Variants in SLA2 observed in about 807,000 individuals in gnomAD.
SLA2 encodes the protein Src like adaptor 2.
SLA2 carries 22 observed loss-of-function variants against 27.3 expected under a neutral mutation model. The observed-to-expected ratio is 0.81, with a 90% CI of 0.58 to 1.15. The LOEUF is 1.15. SLA2 is among the 50% of genes most tolerant of loss of function. The probability of loss-of-function intolerance (pLI) is 0.00; values close to 1 mark genes in which losing one functional copy is unlikely to be tolerated. For synonymous variants in SLA2, 131 were observed against 137.8 expected, an observed-to-expected ratio of 0.95 and a Z score of 0.34; for missense variants, 304 against 322.2, an observed-to-expected ratio of 0.94 and a Z score of 0.43.
chr20:36,617,847 C>T (rs1363516581), intron 5 of SLA2, among the ~76,000 whole-genome samples: 3 of 146,992 alleles, frequency 2.0e-5, no homozygotes, highest in Non-Finnish European at 4.5e-5. Context: ...CAGAGTGAGA[C>T]TCCGTCTCAA....
chr20:36,614,027 C>T (rs986023013), intron 7 of SLA2, 41 bp from the exon 8 acceptor site: 3 of 1,609,914 alleles, frequency 1.9e-6, no homozygotes, highest in East Asian at 4.5e-5. Context: ...AAGCCTCTTC[C>T]TCCTCCCTGT....
chr20:36,627,743 A>G (rs1420592026), intron 5 of SLA2, among the ~76,000 whole-genome samples: 1 of 152,186 alleles, frequency 6.6e-6, no homozygotes. Flanking sequence ...GGGCCTGACT[A>G]GAGCCTGGCC....
chr20:36,616,272 T>C (rs2039208933), intron 5 of SLA2, among the ~76,000 whole-genome samples: 1 of 152,052 alleles, frequency 6.6e-6, no homozygotes, highest in Admixed American at 6.6e-5. Flanking sequence ...CACTGATGAA[T>C]GACAGTTTCA....
chr20:36,627,344 G>A (rs928632794), intron 5 of SLA2, among the ~76,000 whole-genome samples: 2 of 152,154 alleles, frequency 1.3e-5, no homozygotes, highest in African/African-American at 4.8e-5. Context: ...GAGGGATGAG[G>A]GATCAGATAA....
chr20:36,633,780 G>A, intron 3 of SLA2, 151 bp from the exon 4 acceptor site: 1 of 626,042 alleles, frequency 1.6e-6, no homozygotes, highest in South Asian at 1.9e-5. Flanking sequence ...GCCTGTCCAG[G>A]TACCTCCTGA....
chr20:36,645,378 T>A (rs891808020), intron 1 of SLA2, among the ~76,000 whole-genome samples: 9 of 151,124 alleles, frequency 6.0e-5, no homozygotes, highest in East Asian at 1.9e-4. Flanking sequence ...AAAAAAAAAA[T>A]GAATTTGGAT....
intron 1 of SLA2, among the ~76,000 whole-genome samples, chr20:36,641,964 G>A (rs1568611253): frequency 6.6e-6 from 1 of 150,640 alleles, no homozygotes; most frequent in Non-Finnish European, 1.5e-5. Flanking sequence ...TCAAGACCAA[G>A]ACCAGCCTGA....
chr20:36,632,811 T>C, intron 4 of SLA2, 113 bp from the exon 5 acceptor site: 1 of 783,174 alleles, frequency 1.3e-6, no homozygotes, highest in South Asian at 1.6e-5. Flanking sequence ...TCTCTGGGCC[T>C]CAGAGTTCTA....
chr20:36,619,634 CTTT>C (rs746175162), intron 5 of SLA2, among the ~76,000 whole-genome samples: 2 of 132,856 alleles, frequency 1.5e-5, no homozygotes, highest in Non-Finnish European at 1.6e-5. Context: ...AAATTTTTTT[CTTT>C]TTTTTTTTTT....
At chr20:36,641,860 A>C (rs1196210605) in intron 1 of SLA2, among the ~76,000 whole-genome samples, 1 of 151,864 alleles carries the variant, frequency 6.6e-6, no homozygotes, top group Non-Finnish European at 1.5e-5. Flanking sequence ...GGCTTGGATC[A>C]GAGGTCTGCA....
At chr20:36,616,704 C>A (rs957414588) in intron 5 of SLA2, among the ~76,000 whole-genome samples, 1 of 152,174 alleles carries the variant, frequency 6.6e-6, no homozygotes, top group Non-Finnish European at 1.5e-5. Context: ...ATGATCACAG[C>A]TCCTGGGCTC....
At chr20:36,627,221 A>C (rs1353224533) in intron 5 of SLA2, among the ~76,000 whole-genome samples, 1 of 152,218 alleles carries the variant, frequency 6.6e-6, no homozygotes, top group Non-Finnish European at 1.5e-5. Context: ...AGGAGGACCC[A>C]CCAGAAAGAA....
chr20:36,620,715 G>A (rs1217934954), intron 5 of SLA2, among the ~76,000 whole-genome samples: 1 of 151,908 alleles, frequency 6.6e-6, no homozygotes, highest in African/African-American at 2.4e-5. Flanking sequence ...GATTACAGGT[G>A]TGCACCACCA....
At chr20:36,615,162 C>G in intron 6 of SLA2, 63 bp downstream of exon 6, 2 of 1,609,716 alleles carry the variant, frequency 1.2e-6, no homozygotes, top group South Asian at 2.2e-5. Flanking sequence ...TCCAAGGGCA[C>G]CACTGCCTGC....
rs1283539835 is a variant in SLA2 at position 36,636,621 on chromosome 20, A to ATATAT, written c.92-2033_92-2032insATATA. Among the ~76,000 whole-genome samples the ATATAT allele has an allele frequency of 1.3e-3, 169 of 125,632 alleles. 2 individuals carry two copies. The highest frequency in any genetic ancestry group is 5.9e-3 in the African/African-American group (162 of 27,480). 82.4% of individuals were successfully genotyped at this position (125,632 alleles called of 152,430 possible). A position where few individuals can be genotyped will look rare whatever the true frequency, so the allele number is the denominator to read the frequency against. On this transcript the variant is annotated intron_variant, in intron 2 of 7. Transcript: ENST00000262866. ...ACTCCATCTCAAAAAGAAAAAAAAA[A>ATATAT]AAATATATATATATATATATATATA...
Position 36,613,224 on chromosome 20 carries a change from A to AAAAG in SLA2, c.*638_*641dup, listed in dbSNP as rs1373116640. The AAAAG allele has an allele frequency of 6.6e-6, 1 of 152,342 alleles. No individual in the cohort carries two copies. Among genetic ancestry groups the AAAAG allele is most frequent in the Non-Finnish European group, 1.5e-5 (1 of 68,150 alleles). 9.4% of individuals were successfully genotyped at this position (152,342 alleles called of 1,614,324 possible). ...AACAGGGCAAGACTCCGTCTCAAAA[A>AAAAG]AAAGAAAAAGAGCTGGGGCTGTTGT... On this transcript the variant is annotated 3_prime_UTR_variant, in exon 8 of 8. Coordinates refer to ENST00000262866, the MANE Select transcript of SLA2 (RefSeq NM_032214.4).
chr20:36,641,644 C>T (rs1338420585), intron 1 of SLA2, among the ~76,000 whole-genome samples: 1 of 152,158 alleles, frequency 6.6e-6, no homozygotes, highest in Non-Finnish European at 1.5e-5. Flanking sequence ...GATGGGCAGT[C>T]ATGCCCTCTC....
chr20:36,633,641 A>C lies in SLA2; in HGVS notation c.192-12T>G, dbSNP rs754460790. On this transcript the variant is annotated splice_polypyrimidine_tract_variant and intron_variant, in intron 3 of 7. Coordinates refer to ENST00000262866, the MANE Select transcript of SLA2 (RefSeq NM_032214.4). ...ACCAGTCTCCATCCCTGGAGAGAGA[A>C]AGGAGTGGGGGCACCTCTTTCAGAT... The C allele has an allele frequency of 8.7e-6, 14 of 1,609,668 alleles. No individual in the cohort carries two copies. Among genetic ancestry groups the C allele is most frequent in the Non-Finnish European group, 2.6e-6 (3 of 1,176,286 alleles).
chr20:36,623,286 A>G (rs2039303940), intron 5 of SLA2, among the ~76,000 whole-genome samples: 1 of 151,852 alleles, frequency 6.6e-6, no homozygotes, highest in Non-Finnish European at 1.5e-5. Context: ...AAAAAAAAAA[A>G]AAAATCGACA....
Sources: allele counts gnomAD v4.1 joint callset (sites outside exome capture counted in the v4.1 genomes callset), GRCh38; gene constraint gnomAD v4.1.1; transcripts MANE v1.5; gene names NCBI Gene and HGNC (gene_info 2026-07-23, HGNC 2026-07-21).